Variants in GHR observed in about 807,000 individuals in gnomAD.
GHR encodes the protein growth hormone receptor, also known as GH receptor.
Under a neutral mutation model 67.1 loss-of-function variants are expected in GHR, and 35 were observed. The observed-to-expected ratio is 0.52, with a 90% confidence interval of 0.40 to 0.69. The LOEUF (loss-of-function observed/expected upper bound fraction) is 0.69. Ranked by LOEUF, GHR falls within the 30% of genes least tolerant of loss-of-function variation. The pLI, the probability that GHR is intolerant of heterozygous loss-of-function variation, is 0.00. For missense variants in GHR, 792 were observed against 764.6 expected (o/e 1.04, Z -0.42); for synonymous variants, 272 against 269.1 (o/e 1.01, Z -0.10).
At chr5:42,549,997 C>A in intron 1 of GHR, 2 of 412,690 alleles carry the variant, frequency 4.8e-6, no homozygotes, top group Non-Finnish European at 6.5e-6. Context: ...GGGCAAGCGA[C>A]CAGCCAGCTG....
intron 1 of GHR, among the ~76,000 whole-genome samples, chr5:42,531,122 G>A (rs958530911): frequency 2.0e-5 from 3 of 152,042 alleles, no homozygotes; most frequent in Non-Finnish European, 2.9e-5. Flanking sequence ...ACAAAAATTA[G>A]CCAGACATGG....
At chr5:42,532,720 T>A (rs1041687117) in intron 1 of GHR, among the ~76,000 whole-genome samples, 2 of 152,174 alleles carry the variant, frequency 1.3e-5, no homozygotes, top group African/African-American at 4.8e-5. Context: ...ATTTGCTACT[T>A]TTACTACAAA....
chr5:42,462,964 TAA>T (rs1362196136), intron 1 of GHR, among the ~76,000 whole-genome samples: 2 of 152,096 alleles, frequency 1.3e-5, no homozygotes, highest in South Asian at 2.1e-4. Context: ...TAATTAATGA[TAA>T]GTTAGTTTCA....
At chr5:42,515,611 A>G (rs1231946546) in intron 1 of GHR, among the ~76,000 whole-genome samples, 3 of 152,226 alleles carry the variant, frequency 2.0e-5, no homozygotes, top group African/African-American at 4.8e-5. Flanking sequence ...ATTCTGTTGG[A>G]TTTAGTCTAT....
Position 42,615,704 on chromosome 5 carries a change from G to A in GHR, c.71-13334G>A, listed in dbSNP as rs185276305. ...ACAAGGGAGGTTATTTTCTAAGCCTGCATCATAGCAGTAGAAATTTGGAAA... is the reference window on the plus strand; with the variant it reads ...ACAAGGGAGGTTATTTTCTAAGCCTACATCATAGCAGTAGAAATTTGGAAA... On this transcript the variant is annotated intron_variant, in intron 2 of 9. Transcript: ENST00000230882. 2.0e-5 allele frequency among the ~76,000 whole-genome samples: 3 copies of A among 149,176 alleles called. No homozygotes were observed. The East Asian group carries it at 5.9e-4, about 29-fold the overall frequency.
chr5:42,457,698 T>G (rs1439811236), intron 1 of GHR, among the ~76,000 whole-genome samples: 3 of 152,340 alleles, frequency 2.0e-5, no homozygotes, highest in East Asian at 3.9e-4. Context: ...TATTAATTTT[T>G]TCATAGTCCC....
chr5:42,467,797 C>T, intron 1 of GHR: 1 of 1,469,350 alleles, frequency 6.8e-7, no homozygotes, highest in South Asian at 1.2e-5. Flanking sequence ...ACACATGCTA[C>T]AATGTAAAAG....
In GHR at chr5:42,591,765, C is replaced by T. The variant is rs1214918722; in HGVS notation, c.70+25821C>T. Among the ~76,000 whole-genome samples, 5 of 152,258 alleles carry T rather than the reference C, an allele frequency of 3.3e-5. No individual in the cohort carries two copies. In the East Asian group the frequency reaches 7.7e-4, roughly 23 times the overall value. On this transcript the variant is annotated intron_variant, in intron 2 of 9. Coordinates refer to ENST00000230882, the MANE Select transcript of GHR (RefSeq NM_000163.5). ...TCCCAAAAGAGCTCCAGACTTTGAC[C>T]TTTCTCTTCCACCTCAACATCTGTT...
intron 1 of GHR, among the ~76,000 whole-genome samples, chr5:42,427,177 C>G (rs367569183): frequency 6.6e-6 from 1 of 152,198 alleles, no homozygotes; most frequent in East Asian, 1.9e-4. Flanking sequence ...ACAAGATGCC[C>G]TTGATTGTAC....
intron 1 of GHR, among the ~76,000 whole-genome samples, chr5:42,529,013 C>CTTTTT (rs60879144): frequency 7.0e-6 from 1 of 143,524 alleles, no homozygotes; most frequent in African/African-American, 2.6e-5. Flanking sequence ...ATACACGTAA[C>CTTTTT]TTTTTTTTTT....
chr5:42,501,680 T>C (rs1746546182), intron 1 of GHR, among the ~76,000 whole-genome samples: 1 of 152,210 alleles, frequency 6.6e-6, no homozygotes, highest in Non-Finnish European at 1.5e-5. Flanking sequence ...CAAAAATATC[T>C]GTATACATTG....
chr5:42,475,898 A>T (rs1422073446), intron 1 of GHR, among the ~76,000 whole-genome samples: 1 of 148,492 alleles, frequency 6.7e-6, no homozygotes, highest in Non-Finnish European at 1.5e-5. Context: ...CAGATTCATC[A>T]GATTAAAAAT....
intron 3 of GHR, among the ~76,000 whole-genome samples, chr5:42,663,272 C>G (rs971807408): frequency 3.9e-5 from 6 of 152,188 alleles, no homozygotes; most frequent in African/African-American, 1.4e-4. Flanking sequence ...GATACCAAAG[C>G]CTGGCAGAGA....
At chr5:42,535,766 A>G (rs2112358698) in intron 1 of GHR, among the ~76,000 whole-genome samples, 1 of 152,292 alleles carries the variant, frequency 6.6e-6, no homozygotes, top group South Asian at 2.1e-4. Flanking sequence ...CGTTTTCACA[A>G]TATTGATTCT....
At chr5:42,441,710 C>G (rs1038932683) in intron 1 of GHR, among the ~76,000 whole-genome samples, 1 of 152,036 alleles carries the variant, frequency 6.6e-6, no homozygotes, top group Non-Finnish European at 1.5e-5. Context: ...GGGGTTTCAC[C>G]GTGTTAGCCA....
intron 2 of GHR, among the ~76,000 whole-genome samples, chr5:42,612,201 G>A (rs1361502074): frequency 6.6e-6 from 1 of 152,094 alleles, no homozygotes; most frequent in Non-Finnish European, 1.5e-5. Context: ...ATTATAGAAG[G>A]AGAAGGAGGC....
intron 1 of GHR, among the ~76,000 whole-genome samples, chr5:42,563,669 A>G (rs1431719354): frequency 2.0e-5 from 3 of 148,574 alleles, no homozygotes; most frequent in African/African-American, 7.5e-5. Flanking sequence ...TTAGCTGGGC[A>G]TGGTGGTGCA....
intron 4 of GHR, among the ~76,000 whole-genome samples, chr5:42,689,557 A>C (rs915225349): frequency 2.4e-4 from 37 of 152,186 alleles, no homozygotes; most frequent in African/African-American, 8.9e-4. Context: ...GAAACGGGAC[A>C]GGCCACGTGA....
intron 1 of GHR, among the ~76,000 whole-genome samples, chr5:42,459,753 G>A (rs762996649): frequency 6.6e-6 from 1 of 152,172 alleles, no homozygotes; most frequent in African/African-American, 2.4e-5. Flanking sequence ...AGCTGGGCTT[G>A]AGATTTGATA....
Sources: allele counts gnomAD v4.1 joint callset (sites outside exome capture counted in the v4.1 genomes callset), GRCh38; gene constraint gnomAD v4.1.1; transcripts MANE v1.5; gene names NCBI Gene and HGNC (gene_info 2026-07-23, HGNC 2026-07-21).